Variants in FAM135B observed in about 807,000 individuals in gnomAD.
FAM135B encodes the protein protein FAM135B.
In FAM135B, 43 loss-of-function variants were observed where a neutral mutation model predicts 127.7. The ratio of observed to expected loss-of-function variants is 0.34; its 90% confidence interval spans 0.26 to 0.43. The LOEUF is 0.43. Among genes scored for constraint, FAM135B ranks in the 20% least tolerant of loss-of-function variants. The probability of loss-of-function intolerance (pLI) is 1.00; values close to 1 mark genes in which losing one functional copy is unlikely to be tolerated. For missense variants in FAM135B, 1,558 were observed against 1,725.6 expected, an observed-to-expected ratio of 0.90 and a Z score of 1.72; for synonymous variants, 670 against 665.1, an observed-to-expected ratio of 1.01 and a Z score of -0.11.
chr8:138,379,500 G>A (rs376890550), intron 1 of FAM135B, among the ~76,000 whole-genome samples: 13 of 152,040 alleles, frequency 8.6e-5, no homozygotes, highest in Admixed American at 6.6e-4. Flanking sequence ...TAACAAAGAT[G>A]AGCTTAAATA....
Position 138,340,064 on chromosome 8 carries a change from G to A in FAM135B, c.77+27843C>T, listed in dbSNP as rs74936270. On this transcript the variant is annotated intron_variant, in intron 2 of 19. Coordinates refer to ENST00000395297, the MANE Select transcript of FAM135B (RefSeq NM_015912.4). ...TGCAAGAACTCCTTTGTCATCATCT[G>A]GCAGGACTGCAGTCCTTCCCGAAGC... Among the ~76,000 whole-genome samples the A allele has an allele frequency of 8.7e-3, 1,331 of 152,268 alleles. 23 individuals are homozygous for A. The highest frequency in any genetic ancestry group is 0.031 in the African/African-American group (1,277 of 41,540).
intron 3 of FAM135B, among the ~76,000 whole-genome samples, chr8:138,283,379 T>G (rs1003719392): frequency 2.6e-5 from 4 of 151,544 alleles, no homozygotes; most frequent in African/African-American, 9.7e-5. Context: ...CTCATGATTC[T>G]AACTATATGA....
chr8:138,307,992 A>G (rs1022204), intron 3 of FAM135B, among the ~76,000 whole-genome samples: 87,100 of 152,024 alleles, frequency 0.57, 25,456 homozygotes, highest in Admixed American at 0.66. Flanking sequence ...GTTTCCTCCC[A>G]TCACTGTACA....
intron 1 of FAM135B, among the ~76,000 whole-genome samples, chr8:138,429,014 T>C (rs1835055560): frequency 6.6e-6 from 1 of 152,186 alleles, no homozygotes; most frequent in Non-Finnish European, 1.5e-5. Flanking sequence ...AGAGCTTATC[T>C]TTTGTAGTGG....
At chr8:138,384,482 C>A (rs1184123705) in intron 1 of FAM135B, among the ~76,000 whole-genome samples, 4 of 152,082 alleles carry the variant, frequency 2.6e-5, no homozygotes, top group Non-Finnish European at 5.9e-5. Flanking sequence ...GTGCAATGAC[C>A]AGACTCCAGT....
At chr8:138,135,887 A>G (rs1816616997) in intron 19 of FAM135B, among the ~76,000 whole-genome samples, 1 of 152,148 alleles carries the variant, frequency 6.6e-6, no homozygotes, top group Non-Finnish European at 1.5e-5. Context: ...TAACTATATT[A>G]CTCTAAATCA....
chr8:138,252,096 G>T (rs55685177), intron 5 of FAM135B, among the ~76,000 whole-genome samples: 20 of 152,018 alleles, frequency 1.3e-4, no homozygotes, highest in Non-Finnish European at 2.1e-4. Flanking sequence ...ATGGTCCCCT[G>T]GTACCAGAAA....
At chr8:138,244,141 T>A (rs1210023603) in intron 6 of FAM135B, among the ~76,000 whole-genome samples, 1 of 152,200 alleles carries the variant, frequency 6.6e-6, no homozygotes, top group Non-Finnish European at 1.5e-5. Flanking sequence ...CCATACCATA[T>A]GCCAGGCAGT....
At chr8:138,346,870 A>G (rs1458681044) in intron 2 of FAM135B, among the ~76,000 whole-genome samples, 1 of 152,228 alleles carries the variant, frequency 6.6e-6, no homozygotes, top group Non-Finnish European at 1.5e-5. Context: ...GAAATGTTCA[A>G]CTGAAGGCCT....
In FAM135B at chr8:138,141,844, G is replaced by C. The variant is rs1392952284; in HGVS notation, c.3639-495C>G. Among the ~76,000 whole-genome samples the C allele has an allele frequency of 1.3e-5, 2 of 152,052 alleles. No individual in the cohort carries two copies. The highest frequency in any genetic ancestry group is 2.9e-5 in the Non-Finnish European group (2 of 68,010). ...CATGCTGTTAGACCCCCTCCTGCAGGCTCTGCTCCAGCCATACTGCTACTC... is the reference window on the plus strand; with the variant it reads ...CATGCTGTTAGACCCCCTCCTGCAGCCTCTGCTCCAGCCATACTGCTACTC... On this transcript the variant is annotated intron_variant, in intron 16 of 19. Coordinates refer to ENST00000395297, the MANE Select transcript of FAM135B (RefSeq NM_015912.4). This position sits in a 1 kb window ranked among gnomAD's most constrained non-coding sequence, Gnocchi z 4.7.
intron 18 of FAM135B, among the ~76,000 whole-genome samples, chr8:138,138,642 T>C (rs1213653401): frequency 1.3e-5 from 2 of 152,244 alleles, no homozygotes; most frequent in African/African-American, 2.4e-5. Context: ...CTGCCTTTTT[T>C]GTAGATGGGC....
Position 138,160,555 on chromosome 8 carries a change from A to ATTT in FAM135B, c.1258+7337_1258+7339dup, listed in dbSNP as rs61562037. On this transcript the variant is annotated intron_variant, in intron 12 of 19. Coordinates refer to ENST00000395297, the MANE Select transcript of FAM135B (RefSeq NM_015912.4). ...AGGCACATGCCACCATGCCCAGCTC[A>ATTT]TTTTTTTTTTTTTTTGTATTTTAGT... 1.9e-3 allele frequency among the ~76,000 whole-genome samples: 271 copies of ATTT among 142,592 alleles called. 1 individual carries two copies. Among genetic ancestry groups the ATTT allele is most frequent in the Middle Eastern group, 7.2e-3 (2 of 276 alleles). 93.5% of individuals were successfully genotyped at this position (142,592 alleles called of 152,430 possible). A position where few individuals can be genotyped will look rare whatever the true frequency, so the allele number is the denominator to read the frequency against.
intron 1 of FAM135B, among the ~76,000 whole-genome samples, chr8:138,418,372 A>G (rs1475030749): frequency 6.6e-6 from 1 of 152,174 alleles, no homozygotes; most frequent in Admixed American, 6.6e-5. Context: ...AACATATTTG[A>G]GGATATTGTC....
In FAM135B at chr8:138,175,656, G is replaced by C. The variant is rs921170004; in HGVS notation, c.1103+1691C>G. On this transcript the variant is annotated intron_variant, in intron 11 of 19. Coordinates refer to ENST00000395297, the MANE Select transcript of FAM135B (RefSeq NM_015912.4). ...AAGAAATCAGCAGACACTACGAAAG[G>C]CAGTTTGTCCTTTGTCTGTTTTTCC... Among the ~76,000 whole-genome samples, 11 of 152,168 alleles carry C rather than the reference G, an allele frequency of 7.2e-5. No homozygotes were observed. In the East Asian group the frequency reaches 2.1e-3, roughly 29 times the overall value.
intron 2 of FAM135B, among the ~76,000 whole-genome samples, chr8:138,334,575 C>A (rs1242278062): frequency 2.6e-5 from 4 of 152,020 alleles, no homozygotes; most frequent in Non-Finnish European, 5.9e-5. Flanking sequence ...CCCAGTGTAT[C>A]GTGTTCCCCT....
In FAM135B at chr8:138,242,087, C is replaced by T. The variant is rs1183889244; in HGVS notation, c.669+855G>A. On this transcript the variant is annotated intron_variant, in intron 7 of 19. Transcript: ENST00000395297. This position sits in a 1 kb window ranked among gnomAD's most constrained non-coding sequence, Gnocchi z 9.6. ...AATGATACCACCTGCACTCTTGGGT[C>T]TCCAGCTTGCTGACTGAAGATTTGG... Among the ~76,000 whole-genome samples the T allele has an allele frequency of 6.6e-6, 1 of 151,830 alleles. No individual in the cohort carries two copies. The highest frequency in any genetic ancestry group is 1.5e-5 in the Non-Finnish European group (1 of 68,018).
chr8:138,446,116 CA>C (rs1564009185), intron 1 of FAM135B, among the ~76,000 whole-genome samples: 1 of 152,134 alleles, frequency 6.6e-6, no homozygotes, highest in Admixed American at 6.5e-5. Flanking sequence ...AGGACCTCTT[CA>C]AGGAGAACTA....
chr8:138,440,521 T>A (rs1265661204), intron 1 of FAM135B: 2 of 151,574 alleles, frequency 1.3e-5, no homozygotes, highest in Admixed American at 1.3e-4. Context: ...ACTAACTGCA[T>A]TGTCTAAATC....
intron 2 of FAM135B, among the ~76,000 whole-genome samples, chr8:138,350,767 A>C (rs909211556): frequency 6.6e-6 from 1 of 152,196 alleles, no homozygotes; most frequent in Non-Finnish European, 1.5e-5. Context: ...TTCATACATT[A>C]AGGAAGCTAA....
Sources: allele counts gnomAD v4.1 joint callset (sites outside exome capture counted in the v4.1 genomes callset), GRCh38; gene constraint gnomAD v4.1.1; non-coding constraint Gnocchi (gnomAD v3.1); transcripts MANE v1.5; gene names NCBI Gene and HGNC (gene_info 2026-07-23, HGNC 2026-07-21).